The following FAM83A variants were observed in gnomAD, a reference collection of about 807,000 sequenced individuals.
FAM83A encodes the protein scaffolding CK1 anchoring protein A, also known as protein FAM83A.
A neutral mutation model predicts 24.4 loss-of-function variants in FAM83A; 21 were observed. The ratio of observed to expected loss-of-function variants is 0.86; its 90% CI spans 0.61 to 1.24. FAM83A has a LOEUF of 1.24. FAM83A is among the 50% of genes most tolerant of loss of function. The pLI, the probability that FAM83A is intolerant of heterozygous loss-of-function variation, is 0.00. For synonymous variants in FAM83A, 270 were observed against 252.4 expected, an observed-to-expected ratio of 1.07 and a Z score of -0.66; for missense variants, 617 against 579.8, an observed-to-expected ratio of 1.06 and a Z score of -0.66.
At chr8:123,198,276 C>T (rs781163193) in intron 3 of FAM83A, among the ~76,000 whole-genome samples, 13 of 152,068 alleles carry the variant, frequency 8.5e-5, no homozygotes, top group African/African-American at 1.2e-4. Flanking sequence ...TTTTGAGAAA[C>T]GTTACGCCCT....
upstream of FAM83A, chr8:123,179,813 C>T (rs1823552728): frequency 6.6e-6 from 1 of 152,278 alleles, no homozygotes; most frequent in Non-Finnish European, 1.5e-5. Flanking sequence ...AGGATACTCA[C>T]CTCTGTCTCA....
Position 123,209,123 on chromosome 8 carries a change from G to A in FAM83A, c.*1435G>A. 9.5e-7 allele frequency: 1 copy of A among 1,052,626 alleles called. No homozygotes were observed. The highest frequency in any genetic ancestry group is 1.1e-6 in the Non-Finnish European group (1 of 874,518). 65.2% of individuals were successfully genotyped at this position (1,052,626 alleles called of 1,614,324 possible). ...ATGTGATCCAGGCTGGGGAGCCAGA[G>A]GGGAGCAGGTGCCAACTCCACATCC... On this transcript the variant is annotated 3_prime_UTR_variant, in exon 4 of 4. Transcript: ENST00000690554. This position sits in a 1 kb window ranked among gnomAD's most constrained non-coding sequence, Gnocchi z 4.7.
exon 3 of FAM83A, chr8:123,194,104 G>A (rs1183929533): frequency 3.7e-6 from 6 of 1,614,084 alleles, no homozygotes. Context: ...TCCGGGAGAA[G>A]TTCATCATCT....
chr8:123,183,671 CT>C (rs965983656), intron 1 of FAM83A, among the ~76,000 whole-genome samples: 5 of 148,376 alleles, frequency 3.4e-5, no homozygotes, highest in South Asian at 2.2e-4. Context: ...TTTTTCTTTT[CT>C]TTTTTTCTTT....
intron 3 of FAM83A, among the ~76,000 whole-genome samples, chr8:123,198,897 C>G: frequency 6.6e-6 from 1 of 152,036 alleles, no homozygotes; most frequent in East Asian, 1.9e-4. Context: ...CCACCACACC[C>G]GGGTAATTGT....
At chr8:123,203,871 C>T (rs575221417) in intron 3 of FAM83A, among the ~76,000 whole-genome samples, 12 of 149,608 alleles carry the variant, frequency 8.0e-5, no homozygotes, top group African/African-American at 1.7e-4. Flanking sequence ...GCAGAAGAAG[C>T]GCTTGAACCC....
chr8:123,201,192 T>A (rs1210712853), intron 3 of FAM83A: 2 of 152,128 alleles, frequency 1.3e-5, no homozygotes, highest in Non-Finnish European at 2.9e-5. Flanking sequence ...AAGGATTTAA[T>A]CTTTATGACA....
chr8:123,182,133 A>C (rs1429807069), upstream of FAM83A: 2 of 456,148 alleles, frequency 4.4e-6, no homozygotes, highest in Non-Finnish European at 8.8e-6. Flanking sequence ...TTGGCCTGAG[A>C]ACTGGAACCT....
At chr8:123,192,114 GGTCA>G in intron 2 of FAM83A, 144 bp downstream of exon 2, 1 of 840,804 alleles carries the variant, frequency 1.2e-6, no homozygotes, top group Non-Finnish European at 1.8e-6. Context: ...CTCCTATGTA[GGTCA>G]GATGGCCCTC....
intron 2 of FAM83A, among the ~76,000 whole-genome samples, chr8:123,193,215 A>C (rs1249796872): frequency 6.6e-6 from 1 of 152,156 alleles, no homozygotes; most frequent in Non-Finnish European, 1.5e-5. Flanking sequence ...GCTTAAGACA[A>C]TACAGGGTCT....
intron 3 of FAM83A, among the ~76,000 whole-genome samples, chr8:123,198,706 T>C (rs146394057): frequency 8.7e-4 from 133 of 152,310 alleles, no homozygotes; most frequent in African/African-American, 3.1e-3. Context: ...TCTCATACAT[T>C]ATGCTTTCTC....
At chr8:123,204,312 A>G (rs1041393288) in intron 3 of FAM83A, among the ~76,000 whole-genome samples, 3 of 152,188 alleles carry the variant, frequency 2.0e-5, no homozygotes, top group Non-Finnish European at 2.9e-5. Flanking sequence ...TCTTTTAGGT[A>G]GTGGGTTCAT....
At chr8:123,182,850 G>T in exon 1 of FAM83A, 1 of 1,519,476 alleles carries the variant, frequency 6.6e-7, no homozygotes, top group African/African-American at 1.4e-5. Flanking sequence ...ACCCAGGGAC[G>T]GGAGGCATGA....
chr8:123,187,265 C>T (rs565541730), intron 1 of FAM83A, among the ~76,000 whole-genome samples: 1 of 152,130 alleles, frequency 6.6e-6, no homozygotes. Context: ...CTGAGAGCAG[C>T]GGTTCCCAAA....
At position 123,207,314 on chromosome 8, in the gene FAM83A, G is replaced by A. The variant is rs746571188; in HGVS notation, c.931G>A (p.Gly311Arg). 7 of 1,611,168 alleles carry A rather than the reference G, an allele frequency of 4.3e-6. No individual in the cohort carries two copies. Among genetic ancestry groups the A allele is most frequent in the African/African-American group, 2.7e-5 (2 of 74,654 alleles). The change falls in exon 4 of 4, where the codon GGA (glycine) becomes AGA (arginine). Residue 311 changes from glycine (G) to arginine (R), a missense_variant. Gly to Arg is a moderately radical substitution (Grantham distance 125). Coordinates refer to ENST00000690554, the Ensembl canonical transcript of FAM83A. ...GCGGCTGGTCGCCCCCGTCCCGCCC[G>A]GAGCAGCCCCGGCCAATGGCCGCCT...
chr8:123,207,876 C>T, exon 4 of FAM83A: 1 of 1,379,170 alleles, frequency 7.3e-7, no homozygotes, highest in Non-Finnish European at 9.3e-7. Context: ...CTTGGGTTCC[C>T]CGCTCTAGTT....
upstream of FAM83A, chr8:123,182,122 G>A (rs1487289121): frequency 2.0e-5 from 9 of 456,134 alleles, no homozygotes; most frequent in East Asian, 6.9e-5. Flanking sequence ...GCGAGGAAGC[G>A]TTGGCCTGAG....
chr8:123,183,098 C>A (rs1191956990), exon 1 of FAM83A: 1 of 1,613,924 alleles, frequency 6.2e-7, no homozygotes, highest in South Asian at 1.1e-5. Flanking sequence ...CCCCCGTGTC[C>A]CCCAGACACC....
chr8:123,188,485 T>G (rs1823874038), intron 1 of FAM83A, among the ~76,000 whole-genome samples: 1 of 151,844 alleles, frequency 6.6e-6, no homozygotes, highest in Admixed American at 6.6e-5. Flanking sequence ...TTTTTCTTTC[T>G]TACTTTTTTT....
Sources: gnomAD v4.1 joint callset for allele counts (sites outside exome capture counted in the v4.1 genomes callset) on GRCh38, gnomAD v4.1.1 for gene constraint, Gnocchi (gnomAD v3.1) non-coding constraint, MANE v1.5 for transcripts, NCBI Gene and HGNC (gene_info 2026-07-23, HGNC 2026-07-21) for gene names.